The following USP12 variants were observed in gnomAD, a reference collection of about 807,000 sequenced individuals.
USP12 encodes the protein ubiquitin specific peptidase 12.
In USP12, 19 loss-of-function variants were observed where a neutral mutation model predicts 45.5. That is an observed-to-expected ratio of 0.42 (90% confidence interval 0.29 to 0.61). The LOEUF (loss-of-function observed/expected upper bound fraction) is 0.61, where lower values mean the gene tolerates loss of function less well. USP12 is among the 20% of genes least tolerant of loss of function. The pLI is 0.22. For missense variants in USP12, 242 were observed against 447.7 expected (o/e 0.54, Z 4.15); for synonymous variants, 149 against 148.8 (o/e 1.00, Z -0.01).
At chr13:27,083,223 T>C (rs780227869) in intron 6 of USP12, among the ~76,000 whole-genome samples, 6 of 152,168 alleles carry the variant, frequency 3.9e-5, no homozygotes, top group Non-Finnish European at 8.8e-5. Context: ...TGTATCACCG[T>C]AACAATATAA....
At chr13:27,112,152 CTGT>C (rs1306069031) in intron 2 of USP12, among the ~76,000 whole-genome samples, 1 of 152,162 alleles carries the variant, frequency 6.6e-6, no homozygotes, top group Non-Finnish European at 1.5e-5. Context: ...AATTACTAAA[CTGT>C]TGTTTACCAG....
At chr13:27,119,626 T>C (rs1000588286) in intron 1 of USP12, among the ~76,000 whole-genome samples, 13 of 152,220 alleles carry the variant, frequency 8.5e-5, no homozygotes, top group Non-Finnish European at 1.6e-4. Flanking sequence ...CCCTTCTCAC[T>C]CAACATTCTA....
Position 27,067,433 on chromosome 13 carries a change from A to G in USP12, c.*1850T>C, listed in dbSNP as rs1873048744. 1 of 152,190 alleles carries G rather than the reference A, an allele frequency of 6.6e-6. No homozygotes were observed. Among genetic ancestry groups the G allele is most frequent in the African/African-American group, 2.4e-5 (1 of 41,452 alleles). The allele number at this position is 152,190 out of a possible 1,614,324, so 9.4% of individuals were successfully genotyped here. A position where few individuals can be genotyped will look rare whatever the true frequency, so the allele number is the denominator to read the frequency against. ...TGGTAGATCAGGCTGGCTTATATAT[A>G]ATTTGTACAAAACACCTCTAGCCAG... On this transcript the variant is annotated 3_prime_UTR_variant, in exon 9 of 9. Transcript: ENST00000282344.
intron 2 of USP12, among the ~76,000 whole-genome samples, chr13:27,114,334 T>C (rs779509583): frequency 6.6e-6 from 1 of 152,204 alleles, no homozygotes; most frequent in African/African-American, 2.4e-5. Context: ...AGCTACAATA[T>C]AAAAGGAAAA....
chr13:27,101,507 T>C (rs981585152), intron 3 of USP12, among the ~76,000 whole-genome samples: 1 of 152,248 alleles, frequency 6.6e-6, no homozygotes, highest in East Asian at 1.9e-4. Context: ...AACTGGATTA[T>C]GTGCTGGGAA....
At chr13:27,125,280 G>T (rs1213334180) in intron 1 of USP12, among the ~76,000 whole-genome samples, 2 of 151,916 alleles carry the variant, frequency 1.3e-5, no homozygotes, top group African/African-American at 4.8e-5. Flanking sequence ...ATTCAACTGG[G>T]GAGTAGAGAG....
intron 1 of USP12, among the ~76,000 whole-genome samples, chr13:27,130,231 G>A (rs1234611664): frequency 6.6e-6 from 1 of 152,188 alleles, no homozygotes; most frequent in East Asian, 1.9e-4. Flanking sequence ...AAACAGCACA[G>A]ATTCTTGCTT....
chr13:27,084,925 T>C (rs1873943054), intron 6 of USP12, among the ~76,000 whole-genome samples: 1 of 152,194 alleles, frequency 6.6e-6, no homozygotes, highest in African/African-American at 2.4e-5. Flanking sequence ...CTGCAGAAAA[T>C]GCCATAGGAA....
intron 1 of USP12, 120 bp downstream of exon 1, chr13:27,171,471 CA>C (rs1239679218): frequency 1.6e-4 from 23 of 140,720 alleles, no homozygotes; most frequent in South Asian, 3.9e-4. Flanking sequence ...CCGGGCCGCC[CA>C]GCCCGCCCGC....
At chr13:27,095,959 T>A in intron 3 of USP12, 129 bp from the exon 4 acceptor site, 1 of 619,230 alleles carries the variant, frequency 1.6e-6, no homozygotes, top group Non-Finnish European at 2.5e-6. Flanking sequence ...TTGTAATGTA[T>A]AACAAATAAC....
chr13:27,110,130 A>T (rs1364762812), intron 2 of USP12, among the ~76,000 whole-genome samples: 9 of 150,588 alleles, frequency 6.0e-5, no homozygotes, highest in South Asian at 2.1e-4. Context: ...TTCCAGGTAA[A>T]AAAAAAAAAA....
At chr13:27,167,519 T>G (rs1463011035) in intron 1 of USP12, among the ~76,000 whole-genome samples, 1 of 151,984 alleles carries the variant, frequency 6.6e-6, no homozygotes, top group Non-Finnish European at 1.5e-5. Flanking sequence ...AATAGAAGAT[T>G]CCTTATTTTT....
chr13:27,082,269 C>T (rs1873794560), intron 6 of USP12, among the ~76,000 whole-genome samples: 1 of 152,192 alleles, frequency 6.6e-6, no homozygotes, highest in Non-Finnish European at 1.5e-5. Flanking sequence ...TCACCTTGTA[C>T]TTTTATCTCA....
intron 3 of USP12, among the ~76,000 whole-genome samples, chr13:27,103,755 A>C (rs1248705802): frequency 6.7e-6 from 1 of 149,626 alleles, no homozygotes; most frequent in East Asian, 1.9e-4. Flanking sequence ...CAAAAAAAAA[A>C]AAAAAAAGAG....
intron 6 of USP12, among the ~76,000 whole-genome samples, chr13:27,083,438 C>A (rs1873855786): frequency 1.3e-5 from 2 of 152,046 alleles, no homozygotes; most frequent in African/African-American, 4.8e-5. Flanking sequence ...GAGCCTCAGC[C>A]TCCCCCTTGC....
chr13:27,133,593 C>T (rs1042290407), intron 1 of USP12, among the ~76,000 whole-genome samples: 18 of 145,560 alleles, frequency 1.2e-4, no homozygotes, highest in African/African-American at 3.8e-4. Flanking sequence ...CGCGCCACTG[C>T]GCTCCAGCCT....
chr13:27,169,346 G>A (rs972512470), intron 1 of USP12, among the ~76,000 whole-genome samples: 1 of 152,112 alleles, frequency 6.6e-6, no homozygotes, highest in Non-Finnish European at 1.5e-5. Context: ...TGGCAGGGAG[G>A]AGCGTTCCAA....
intron 1 of USP12, among the ~76,000 whole-genome samples, chr13:27,130,628 G>T (rs1303228728): frequency 6.6e-6 from 1 of 151,296 alleles, no homozygotes; most frequent in Non-Finnish European, 1.5e-5. Flanking sequence ...AACCATCCCT[G>T]AGGAATTCCA....
chr13:27,141,454 T>G (rs1877053814), intron 1 of USP12, among the ~76,000 whole-genome samples: 1 of 152,090 alleles, frequency 6.6e-6, no homozygotes, highest in Non-Finnish European at 1.5e-5. Flanking sequence ...CTAAAAGAAA[T>G]CAAGACACTT....
Sources: allele counts gnomAD v4.1 joint callset (sites outside exome capture counted in the v4.1 genomes callset), GRCh38; gene constraint gnomAD v4.1.1; transcripts MANE v1.5; gene names NCBI Gene and HGNC (gene_info 2026-07-23, HGNC 2026-07-21).